The following ADAMTS17 variants were observed in gnomAD, a reference collection of about 807,000 sequenced individuals.
ADAMTS17 encodes A disintegrin and metalloproteinase with thrombospondin motifs 17.
ADAMTS17 carries 113 observed loss-of-function variants against 141.5 expected under a neutral mutation model. The ratio of observed to expected loss-of-function variants is 0.80; its 90% confidence interval spans 0.69 to 0.93. ADAMTS17 has a LOEUF of 0.93. Among genes scored for constraint, ADAMTS17 ranks in the 40% least tolerant of loss-of-function variants. ADAMTS17 has a pLI of 0.00. For missense variants in ADAMTS17, 1,659 were observed against 1,517.9 expected, an observed-to-expected ratio of 1.09 and a Z score of -1.54; for synonymous variants, 768 against 630.6, an observed-to-expected ratio of 1.22 and a Z score of -3.27.
At chr15:100,296,597 GTGTGTGTA>G (rs1182436954) in intron 3 of ADAMTS17, among the ~76,000 whole-genome samples, 4 of 151,944 alleles carry the variant, frequency 2.6e-5, no homozygotes, top group African/African-American at 9.7e-5. Context: ...GTGTGTGTGT[GTGTGTGTA>G]TGTGTGTGTG....
intron 3 of ADAMTS17, among the ~76,000 whole-genome samples, chr15:100,282,255 C>G (rs2044310305): frequency 6.6e-6 from 1 of 152,176 alleles, no homozygotes; most frequent in South Asian, 2.1e-4. Flanking sequence ...TTAGCACTAG[C>G]CTATATGGAC....
intron 7 of ADAMTS17, among the ~76,000 whole-genome samples, chr15:100,223,474 C>T (rs1045851372): frequency 3.3e-5 from 5 of 152,028 alleles, no homozygotes; most frequent in Admixed American, 2.6e-4. Context: ...TCTATACTGG[C>T]CCTGAGCTCA....
intron 3 of ADAMTS17, among the ~76,000 whole-genome samples, chr15:100,323,713 C>T (rs888762002): frequency 1.3e-5 from 2 of 152,010 alleles, no homozygotes; most frequent in Admixed American, 6.6e-5. Flanking sequence ...AGACAAAACT[C>T]TGCAATAAAG....
chr15:100,238,936 CAA>C (rs1218761933), intron 7 of ADAMTS17, among the ~76,000 whole-genome samples: 2 of 152,108 alleles, frequency 1.3e-5, no homozygotes, highest in Non-Finnish European at 2.9e-5. Flanking sequence ...ACTAAAAATA[CAA>C]AAGTTAGCCA....
At chr15:100,100,198 C>A (rs910547601) in intron 14 of ADAMTS17, among the ~76,000 whole-genome samples, 6 of 152,194 alleles carry the variant, frequency 3.9e-5, no homozygotes, top group African/African-American at 1.4e-4. Flanking sequence ...GCTAAAGATG[C>A]CCTGGAAGCC....
chr15:100,042,167 C>T (rs943073437), intron 18 of ADAMTS17, among the ~76,000 whole-genome samples: 3 of 152,266 alleles, frequency 2.0e-5, no homozygotes, highest in East Asian at 1.9e-4. Context: ...CCAATCTCCC[C>T]GATTTTCTGG....
rs141689591 is a variant in ADAMTS17, at chr15:100,251,339, G to A, written c.1075+2797C>T. ...ACATGTGACAAAGTATCAAATGAGC[G>A]GTGCTATGGATTGACTTGTGTCCCC... On this transcript the variant is annotated intron_variant, in intron 7 of 21. Coordinates refer to ENST00000268070, the MANE Select transcript of ADAMTS17 (RefSeq NM_139057.4). Among the ~76,000 whole-genome samples the A allele has an allele frequency of 2.3e-4, 35 of 152,306 alleles. No individual in the cohort carries two copies. In the East Asian group the frequency reaches 3.5e-3, roughly 15 times the overall value.
chr15:100,219,417 A>C (rs557261635), intron 7 of ADAMTS17, among the ~76,000 whole-genome samples: 11 of 152,350 alleles, frequency 7.2e-5, no homozygotes, highest in African/African-American at 2.6e-4. Flanking sequence ...TCCTAAAAGC[A>C]ATGTTTTTTC....
intron 8 of ADAMTS17, among the ~76,000 whole-genome samples, chr15:100,194,413 A>T (rs1042576188): frequency 6.6e-6 from 1 of 152,200 alleles, no homozygotes; most frequent in Non-Finnish European, 1.5e-5. Context: ...TCACAGAGCT[A>T]TGCACTTTCT....
chr15:100,009,750 C>T (rs78471243), intron 18 of ADAMTS17, among the ~76,000 whole-genome samples: 97 of 152,264 alleles, frequency 6.4e-4, no homozygotes, highest in African/African-American at 1.9e-3. Flanking sequence ...GTGGACGGTC[C>T]GAACCAAAAC....
intron 14 of ADAMTS17, among the ~76,000 whole-genome samples, chr15:100,103,070 C>T (rs2036215102): frequency 1.3e-5 from 2 of 152,170 alleles, no homozygotes; most frequent in South Asian, 4.1e-4. Context: ...CTCCTGCTTC[C>T]CTTCACTGTT....
At chr15:100,010,980 C>T (rs181753905) in intron 18 of ADAMTS17, among the ~76,000 whole-genome samples, 13 of 152,126 alleles carry the variant, frequency 8.5e-5, no homozygotes, top group East Asian at 3.9e-4. Flanking sequence ...GTGAGGAGCA[C>T]GGCACCATCT....
At chr15:100,277,522 G>T (rs1439633947) in intron 4 of ADAMTS17, among the ~76,000 whole-genome samples, 2 of 152,000 alleles carry the variant, frequency 1.3e-5, no homozygotes, top group Non-Finnish European at 2.9e-5. Flanking sequence ...TTGTGCCCTG[G>T]ATAATTAAAA....
At chr15:100,286,088 C>A (rs897487768) in intron 3 of ADAMTS17, among the ~76,000 whole-genome samples, 1 of 152,144 alleles carries the variant, frequency 6.6e-6, no homozygotes, top group Non-Finnish European at 1.5e-5. Flanking sequence ...AGAGCTCCAG[C>A]AGACCAGCCT....
At position 99,974,665 on chromosome 15, in the gene ADAMTS17, C is replaced by T. The variant is rs904947243; in HGVS notation, c.3128-103G>A. The T allele has an allele frequency of 6.5e-5, 94 of 1,441,676 alleles. No individual in the cohort carries two copies. The African/African-American group carries it at 1.2e-3, about 18-fold the overall frequency. The allele number at this position is 1,441,676 out of a possible 1,614,324, so 89.3% of individuals were successfully genotyped here. On this transcript the variant is annotated intron_variant, in intron 21 of 21. Coordinates refer to ENST00000268070, the MANE Select transcript of ADAMTS17 (RefSeq NM_139057.4). ...TGGTCTGACCGTCTGGGCTCCCTCA[C>T]CCTCGTGCACACGTCAACCCTTTGC...
chr15:100,302,287 T>C (rs776676348), intron 3 of ADAMTS17, among the ~76,000 whole-genome samples: 44 of 152,368 alleles, frequency 2.9e-4, no homozygotes, highest in Middle Eastern at 6.8e-3. Context: ...TGTATGACTA[T>C]ACACATTTTA....
intron 18 of ADAMTS17, among the ~76,000 whole-genome samples, chr15:100,007,685 G>A (rs866388754): frequency 6.6e-6 from 1 of 152,112 alleles, no homozygotes; most frequent in Non-Finnish European, 1.5e-5. Context: ...AGGAGCACCC[G>A]GGGAGGAGCT....
chr15:100,127,926 T>C (rs2037828517), intron 12 of ADAMTS17, among the ~76,000 whole-genome samples: 1 of 150,798 alleles, frequency 6.6e-6, no homozygotes, highest in African/African-American at 2.4e-5. Context: ...AAGATAAAAA[T>C]AATACCTCTC....
chr15:100,319,936 A>C (rs998859567), intron 3 of ADAMTS17, among the ~76,000 whole-genome samples: 1 of 152,226 alleles, frequency 6.6e-6, no homozygotes, highest in Non-Finnish European at 1.5e-5. Flanking sequence ...GTCTCAAAAA[A>C]ATAAATACAT....
Sources: gnomAD v4.1 joint callset for allele counts (sites outside exome capture counted in the v4.1 genomes callset) on GRCh38, gnomAD v4.1.1 for gene constraint, MANE v1.5 for transcripts, NCBI Gene and HGNC (gene_info 2026-07-23, HGNC 2026-07-21) for gene names.